RSPO2: variants seen among roughly 807,000 people sequenced by gnomAD.
The protein encoded by RSPO2 is R-spondin-2.
RSPO2 carries 14 observed loss-of-function variants against 30.9 expected under a neutral mutation model. The observed-to-expected ratio is 0.45, with a 90% CI of 0.30 to 0.71. The LOEUF is 0.71. RSPO2 is among the 30% of genes least tolerant of loss of function. The probability of loss-of-function intolerance (pLI) is 0.08; values close to 1 mark genes in which losing one functional copy is unlikely to be tolerated. For synonymous variants in RSPO2, 107 were observed against 96.4 expected (o/e 1.11, Z -0.64); for missense variants, 264 against 301.9 (o/e 0.87, Z 0.93).
chr8:107,988,963 T>A, intron 3 of RSPO2, 93 bp downstream of exon 3: 3 of 1,186,808 alleles, frequency 2.5e-6, no homozygotes, highest in Non-Finnish European at 3.5e-6. Context: ...TACAAACACA[T>A]TTTTTTTAAA....
chr8:108,048,846 C>T (rs1451106131), intron 2 of RSPO2, among the ~76,000 whole-genome samples: 1 of 152,158 alleles, frequency 6.6e-6, no homozygotes, highest in Non-Finnish European at 1.5e-5. Context: ...TTAAATGTGT[C>T]CCAGAGATTC....
intron 2 of RSPO2, among the ~76,000 whole-genome samples, chr8:108,003,801 A>G (rs562807406): frequency 6.6e-6 from 1 of 152,232 alleles, no homozygotes; most frequent in Admixed American, 6.5e-5. Context: ...CAGATCAGAG[A>G]GTTTTAAAAA....
chr8:108,010,353 A>T (rs956562537), intron 2 of RSPO2, among the ~76,000 whole-genome samples: 4 of 152,214 alleles, frequency 2.6e-5, no homozygotes, highest in Non-Finnish European at 5.9e-5. Flanking sequence ...GGGAAACACA[A>T]GAAGATAGCT....
chr8:108,003,688 A>G (rs1815357934), intron 2 of RSPO2, among the ~76,000 whole-genome samples: 1 of 152,016 alleles, frequency 6.6e-6, no homozygotes, highest in South Asian at 2.1e-4. Flanking sequence ...AAAAAAATTA[A>G]CCCCGGGGAA....
At chr8:107,943,190 C>G (rs1191597747) in intron 5 of RSPO2, among the ~76,000 whole-genome samples, 1 of 152,236 alleles carries the variant, frequency 6.6e-6, no homozygotes, top group African/African-American at 2.4e-5. Flanking sequence ...TCCCTCTCCT[C>G]CCCACACCAT....
chr8:108,042,534 A>T (rs1256409326), intron 2 of RSPO2, among the ~76,000 whole-genome samples: 1 of 152,166 alleles, frequency 6.6e-6, no homozygotes, highest in Non-Finnish European at 1.5e-5. Flanking sequence ...CGTGCTCATT[A>T]ACTGCCAAGT....
At chr8:107,967,353 A>G (rs1405410454) in intron 3 of RSPO2, among the ~76,000 whole-genome samples, 1 of 152,186 alleles carries the variant, frequency 6.6e-6, no homozygotes, top group Non-Finnish European at 1.5e-5. Context: ...TGGGGTTATA[A>G]ATATCCCAAG....
intron 3 of RSPO2, among the ~76,000 whole-genome samples, chr8:107,963,187 C>CA (rs1327595139): frequency 6.7e-6 from 1 of 148,906 alleles, no homozygotes; most frequent in Non-Finnish European, 1.5e-5. Context: ...TTTAAAAGTA[C>CA]AAGGTGAAGT....
chr8:107,952,170 T>C (rs1489899218), intron 5 of RSPO2, among the ~76,000 whole-genome samples: 1 of 152,106 alleles, frequency 6.6e-6, no homozygotes, highest in African/African-American at 2.4e-5. Context: ...TAAAGGAATG[T>C]TTGGAGGCAA....
At chr8:108,082,309 G>GCCCGGCTCGCCGAGCT (rs1813225573) in intron 2 of RSPO2, among the ~76,000 whole-genome samples, 1 of 152,212 alleles carries the variant, frequency 6.6e-6, no homozygotes, top group Non-Finnish European at 1.5e-5. Context: ...CCCGATTGGC[G>GCCCGGCTCGCCGAGCT]CCCGGCTCGC....
intron 3 of RSPO2, among the ~76,000 whole-genome samples, chr8:107,963,657 A>AGAATTTT (rs1813706259): frequency 6.6e-6 from 1 of 151,628 alleles, no homozygotes; most frequent in Non-Finnish European, 1.5e-5. Flanking sequence ...AGGGGATAGT[A>AGAATTTT]GAATTTTGAA....
At chr8:107,952,991 T>A (rs1397745532) in intron 5 of RSPO2, among the ~76,000 whole-genome samples, 1 of 152,196 alleles carries the variant, frequency 6.6e-6, no homozygotes, top group Non-Finnish European at 1.5e-5. Context: ...TAAGAAAATG[T>A]GACTGGAGTT....
intron 3 of RSPO2, among the ~76,000 whole-genome samples, chr8:107,970,505 T>C (rs959523716): frequency 5.3e-5 from 8 of 152,164 alleles, no homozygotes; most frequent in Admixed American, 2.0e-4. Context: ...AATGGTAGCA[T>C]TGAAGCTTGG....
rs767290459 is a variant in RSPO2, at chr8:107,951,043, G to GTTTTTTTT, written c.616+7029_616+7036dup. Among the ~76,000 whole-genome samples the GTTTTTTTT allele has an allele frequency of 2.6e-3, 224 of 85,840 alleles. 5 individuals carry two copies. The highest frequency in any genetic ancestry group is 0.013 in the East Asian group (25 of 1,966). 56.3% of individuals were successfully genotyped at this position (85,840 alleles called of 152,430 possible). A position where few individuals can be genotyped will look rare whatever the true frequency, so the allele number is the denominator to read the frequency against. On this transcript the variant is annotated intron_variant, in intron 5 of 5. Coordinates refer to ENST00000276659, the MANE Select transcript of RSPO2 (RefSeq NM_178565.5). ...TGTGATGAGGCGATAGGGAGAATAA[G>GTTTTTTTT]TTTTTTTTTGTTGTTGTTGTTGTTG...
chr8:107,941,972 C>T (rs181746212), intron 5 of RSPO2, among the ~76,000 whole-genome samples: 15 of 152,312 alleles, frequency 9.8e-5, no homozygotes, highest in Admixed American at 7.8e-4. Flanking sequence ...TATCTGCCTT[C>T]ATATAAACTG....
chr8:107,903,845 T>C (rs1811553004), intron 5 of RSPO2, among the ~76,000 whole-genome samples: 1 of 152,056 alleles, frequency 6.6e-6, no homozygotes, highest in Non-Finnish European at 1.5e-5. Flanking sequence ...GGAATTAAGA[T>C]GGTTAGCCAA....
At chr8:107,911,712 C>T (rs1271904308) in intron 5 of RSPO2, among the ~76,000 whole-genome samples, 8 of 152,134 alleles carry the variant, frequency 5.3e-5, no homozygotes, top group Non-Finnish European at 1.0e-4. Context: ...AAATAGGTTT[C>T]GAGAAGTTAA....
At chr8:107,914,076 C>T (rs1413239579) in intron 5 of RSPO2, among the ~76,000 whole-genome samples, 1 of 152,082 alleles carries the variant, frequency 6.6e-6, no homozygotes, top group Non-Finnish European at 1.5e-5. Context: ...AAGAGATTCA[C>T]AGTCCAAACT....
At chr8:108,054,483 A>G (rs1812177255) in intron 2 of RSPO2, among the ~76,000 whole-genome samples, 1 of 152,102 alleles carries the variant, frequency 6.6e-6, no homozygotes, top group Non-Finnish European at 1.5e-5. Context: ...TATCACTTCC[A>G]CCCACATTCC....
Sources: allele counts gnomAD v4.1 joint callset (sites outside exome capture counted in the v4.1 genomes callset), GRCh38; gene constraint gnomAD v4.1.1; transcripts MANE v1.5; gene names NCBI Gene and HGNC (gene_info 2026-07-23, HGNC 2026-07-21).